Variants in CCAR1 observed in about 807,000 individuals in gnomAD.
CCAR1 encodes cell division cycle and apoptosis regulator protein 1.
Under a neutral mutation model 163.8 loss-of-function variants are expected in CCAR1, and 78 were observed. The ratio of observed to expected loss-of-function variants is 0.48; its 90% CI spans 0.40 to 0.57. The LOEUF is 0.57. Among genes scored for constraint, CCAR1 ranks in the 20% least tolerant of loss-of-function variants. CCAR1 has a pLI of 0.00. For missense variants in CCAR1, 1,019 were observed against 1,365.2 expected (o/e 0.75, Z 4.00); for synonymous variants, 443 against 460.7 (o/e 0.96, Z 0.49).
intron 5 of CCAR1, among the ~76,000 whole-genome samples, 186 bp from the exon 6 acceptor site, chr10:68,742,190 G>A (rs924804730): frequency 6.6e-6 from 1 of 152,098 alleles, no homozygotes; most frequent in South Asian, 2.1e-4. Flanking sequence ...TCATCTAAGG[G>A]ATCTTGATGA....
In CCAR1 at chr10:68,756,513, C is replaced by T. The variant is rs1220798399; in HGVS notation, c.1836+30C>T. 6.5e-7 allele frequency: 1 copy of T among 1,534,866 alleles called. No individual in the cohort carries two copies. Among genetic ancestry groups the T allele is most frequent in the South Asian group, 1.2e-5 (1 of 84,770 alleles). ...TGAACGCTAATCCCTTTTTCTATTTCCGCTTCTCACAGGCACAGGAACACA... is the reference window on the plus strand; with the variant it reads ...TGAACGCTAATCCCTTTTTCTATTTTCGCTTCTCACAGGCACAGGAACACA... On this transcript the variant is annotated intron_variant, in intron 14 of 24. Transcript: ENST00000265872. This position sits in a 1 kb window ranked among gnomAD's most constrained non-coding sequence, Gnocchi z 5.1.
In CCAR1 at chr10:68,756,073, G is replaced by A. The variant is rs1000698585; in HGVS notation, c.1626-200G>A. The stretch of plus-strand genomic sequence containing the variant: ...AATCAAACTTGAAAATGCCTTGGGG[G>A]AACATATTCTTCCTTTAACTTATTA... On this transcript the variant is annotated intron_variant, in intron 13 of 24. Coordinates refer to ENST00000265872, the MANE Select transcript of CCAR1 (RefSeq NM_018237.4). The surrounding 1 kb of genome is among the most constrained non-coding windows in gnomAD (Gnocchi z 5.1). Among the ~76,000 whole-genome samples the A allele has an allele frequency of 2.0e-5, 3 of 152,108 alleles. No homozygotes were observed. The highest frequency in any genetic ancestry group is 6.6e-5 in the Admixed American group (1 of 15,252).
At chr10:68,723,345 G>T (rs1589149206) in intron 2 of CCAR1, among the ~76,000 whole-genome samples, 2 of 149,048 alleles carry the variant, frequency 1.3e-5, no homozygotes, top group South Asian at 4.2e-4. Context: ...TAGCCAGGAT[G>T]GTCTCGATCT....
At chr10:68,725,481 A>G (rs191183911) in intron 2 of CCAR1, among the ~76,000 whole-genome samples, 9 of 152,088 alleles carry the variant, frequency 5.9e-5, no homozygotes, top group Non-Finnish European at 1.2e-4. Context: ...AATTCTTCCC[A>G]ATCTTTTTAG....
intron 19 of CCAR1, among the ~76,000 whole-genome samples, chr10:68,777,744 C>A (rs981571023): frequency 1.4e-4 from 21 of 151,190 alleles, no homozygotes; most frequent in African/African-American, 4.9e-4. Flanking sequence ...CCAGCCTGAG[C>A]AACATGACGA....
At chr10:68,729,512 A>C (rs1482905043) in intron 2 of CCAR1, among the ~76,000 whole-genome samples, 2 of 151,042 alleles carry the variant, frequency 1.3e-5, no homozygotes, top group Non-Finnish European at 3.0e-5. Context: ...CTTGTGATCC[A>C]CCCGCCTCGG....
intron 17 of CCAR1, among the ~76,000 whole-genome samples, chr10:68,768,748 T>C (rs2056565267): frequency 6.6e-6 from 1 of 151,978 alleles, no homozygotes; most frequent in South Asian, 2.1e-4. Context: ...GGTGGGAGGA[T>C]TGTGTGAGCC....
intron 4 of CCAR1, among the ~76,000 whole-genome samples, chr10:68,738,878 C>G (rs2056147639): frequency 6.6e-6 from 1 of 152,108 alleles, no homozygotes; most frequent in Non-Finnish European, 1.5e-5. Context: ...AAAACCCTCT[C>G]TCTACTAAAA....
intron 10 of CCAR1, among the ~76,000 whole-genome samples, chr10:68,753,037 T>C (rs2056354150): frequency 6.6e-6 from 1 of 151,376 alleles, no homozygotes; most frequent in Non-Finnish European, 1.5e-5. Flanking sequence ...TTTATTTTTA[T>C]ACTTCAAATA....
intron 2 of CCAR1, among the ~76,000 whole-genome samples, chr10:68,732,454 G>T (rs1198601222): frequency 6.6e-6 from 1 of 151,966 alleles, no homozygotes; most frequent in Non-Finnish European, 1.5e-5. Flanking sequence ...AGTTCAGGCT[G>T]TTCTCCTGCC....
At chr10:68,742,896 G>A (rs1589161177) in intron 6 of CCAR1, among the ~76,000 whole-genome samples, 1 of 152,158 alleles carries the variant, frequency 6.6e-6, no homozygotes, top group Admixed American at 6.5e-5. Flanking sequence ...GGGATTACAG[G>A]CGTGAGACAC....
Position 68,766,612 on chromosome 10 carries a change from C to T in CCAR1, c.2298+533C>T, listed in dbSNP as rs575219036. 6.1e-5 allele frequency among the ~76,000 whole-genome samples: 9 copies of T among 147,088 alleles called. No individual in the cohort carries two copies. The South Asian group carries it at 8.7e-4, about 14-fold the overall frequency. Reference sequence around the variant, plus strand: ...TATGATATCTGCTCACTGCAACCTCCGCCTCCCGGGTTCAAGCAGTTCTCC... The same window carrying T: ...TATGATATCTGCTCACTGCAACCTCTGCCTCCCGGGTTCAAGCAGTTCTCC... On this transcript the variant is annotated intron_variant, in intron 17 of 24. Coordinates refer to ENST00000265872, the MANE Select transcript of CCAR1 (RefSeq NM_018237.4).
intron 24 of CCAR1, among the ~76,000 whole-genome samples, chr10:68,790,888 G>C (rs1038138512): frequency 6.6e-6 from 1 of 150,910 alleles, no homozygotes; most frequent in Admixed American, 6.6e-5. Context: ...AAATAGAGAC[G>C]GGGTTTCACC....
chr10:68,788,392 G>A, intron 23 of CCAR1, 64 bp downstream of exon 23: 1 of 1,178,180 alleles, frequency 8.5e-7, no homozygotes, highest in Non-Finnish European at 1.2e-6. Context: ...ATATGTTTAT[G>A]TGTGTACATA....
intron 2 of CCAR1, among the ~76,000 whole-genome samples, chr10:68,731,664 C>T (rs539204129): frequency 3.0e-4 from 41 of 136,598 alleles, no homozygotes; most frequent in Non-Finnish European, 5.0e-4. Flanking sequence ...GACACAATCT[C>T]GGCTCACTGC....
rs2056395003 is a variant in CCAR1, at chr10:68,756,108, C to T, written c.1626-165C>T. Among the ~76,000 whole-genome samples, 1 of 152,080 alleles carries T rather than the reference C, an allele frequency of 6.6e-6. No individual in the cohort carries two copies. The highest frequency in any genetic ancestry group is 2.4e-5 in the African/African-American group (1 of 41,402). ...TTCCTTTAACTTATTAAATATTGTA[C>T]AAATGTACCAAAAGAGGAACTATGG... On this transcript the variant is annotated intron_variant, in intron 13 of 24. Transcript: ENST00000265872. The surrounding 1 kb of genome is among the most constrained non-coding windows in gnomAD (Gnocchi z 5.1).
chr10:68,724,855 G>C lies in CCAR1; in HGVS notation c.73+2278G>C, dbSNP rs114350193. The stretch of plus-strand genomic sequence containing the variant: ...ACAAAGGAAAAAGATAGTTGTAAAA[G>C]CTGCTGGATGCAGTGGCTCACTCCT... On this transcript the variant is annotated intron_variant, in intron 2 of 24. Transcript: ENST00000265872. Among the ~76,000 whole-genome samples the C allele has an allele frequency of 2.9e-3, 436 of 152,216 alleles. 7 individuals are homozygous for C. The highest frequency in any genetic ancestry group is 9.9e-3 in the African/African-American group (410 of 41,538).
chr10:68,754,907 C>A, intron 12 of CCAR1, 80 bp downstream of exon 12: 1 of 759,604 alleles, frequency 1.3e-6, no homozygotes, highest in East Asian at 2.5e-5. Flanking sequence ...ATCTAAAGCC[C>A]TACATTTTAA....
intron 9 of CCAR1, 60 bp from the exon 10 acceptor site, chr10:68,749,464 A>G: frequency 1.4e-6 from 2 of 1,446,802 alleles, no homozygotes; most frequent in South Asian, 1.3e-5. Flanking sequence ...TATTTACTTC[A>G]TTGAAGAGCT....
Sources: allele counts gnomAD v4.1 joint callset (sites outside exome capture counted in the v4.1 genomes callset), GRCh38; gene constraint gnomAD v4.1.1; non-coding constraint Gnocchi (gnomAD v3.1); transcripts MANE v1.5; gene names NCBI Gene and HGNC (gene_info 2026-07-23, HGNC 2026-07-21).